The following DGKG variants were observed in gnomAD, a reference collection of about 807,000 sequenced individuals.
The protein encoded by DGKG is diacylglycerol kinase gamma.
DGKG carries 78 observed loss-of-function variants against 105.3 expected under a neutral mutation model. That is an observed-to-expected ratio of 0.74 (90% CI 0.62 to 0.89). DGKG has a LOEUF of 0.89. DGKG is among the 40% of genes least tolerant of loss of function. The pLI is 0.00. For missense variants in DGKG, 958 were observed against 1,020.1 expected (o/e 0.94, Z 0.83); for synonymous variants, 346 against 367.1 (o/e 0.94, Z 0.66).
At chr3:186,294,735 G>A (rs1578789458) in intron 5 of DGKG, among the ~76,000 whole-genome samples, 1 of 141,008 alleles carries the variant, frequency 7.1e-6, no homozygotes, top group Non-Finnish European at 1.5e-5. Context: ...TTACACAGAT[G>A]CCTGAATATG....
chr3:186,160,388 C>T (rs2108475385), intron 24 of DGKG: 1 of 985,302 alleles, frequency 1.0e-6, no homozygotes, highest in African/African-American at 1.7e-5. Context: ...TTCTTCTCAA[C>T]TCAGTTCCAT....
At chr3:186,299,837 C>CTTTCTTTCTTTCTTT (rs1560142091) in intron 3 of DGKG, among the ~76,000 whole-genome samples, 1 of 89,996 alleles carries the variant, frequency 1.1e-5, no homozygotes, top group African/African-American at 4.3e-5. Context: ...TTCTTTCTTT[C>CTTTCTTTCTTTCTTT]TTTTTTTTTT....
chr3:186,302,792 G>A (rs1327573325), intron 3 of DGKG, among the ~76,000 whole-genome samples: 1 of 151,902 alleles, frequency 6.6e-6, no homozygotes, highest in Non-Finnish European at 1.5e-5. Flanking sequence ...CATCAGTGGC[G>A]AGTGCCATAG....
At chr3:186,238,676 A>G (rs1720533580) in intron 20 of DGKG, among the ~76,000 whole-genome samples, 1 of 152,188 alleles carries the variant, frequency 6.6e-6, no homozygotes, top group Non-Finnish European at 1.5e-5. Context: ...TAGCCTATTG[A>G]TAACTAGGAG....
chr3:186,341,521 T>C (rs1379202647), intron 1 of DGKG, among the ~76,000 whole-genome samples: 2 of 152,176 alleles, frequency 1.3e-5, no homozygotes, highest in African/African-American at 4.8e-5. Flanking sequence ...GATGATACCA[T>C]GATACCATGA....
intron 1 of DGKG, among the ~76,000 whole-genome samples, chr3:186,322,037 C>A (rs1725104108): frequency 6.6e-6 from 1 of 152,202 alleles, no homozygotes; most frequent in Non-Finnish European, 1.5e-5. Context: ...TCTCTGCAAT[C>A]TTTCTTTGCC....
chr3:186,281,874 G>A (rs974368112), intron 7 of DGKG, among the ~76,000 whole-genome samples: 4 of 152,168 alleles, frequency 2.6e-5, no homozygotes, highest in African/African-American at 9.6e-5. Flanking sequence ...GTTCCCCTGA[G>A]GTCTTCCTGG....
At chr3:186,339,887 G>T (rs543670923) in intron 1 of DGKG, among the ~76,000 whole-genome samples, 1 of 152,326 alleles carries the variant, frequency 6.6e-6, no homozygotes, top group East Asian at 1.9e-4. Context: ...GTGGTCTTGA[G>T]CATACTATTT....
chr3:186,211,061 C>T (rs574318698), intron 21 of DGKG, among the ~76,000 whole-genome samples: 2 of 152,248 alleles, frequency 1.3e-5, no homozygotes, highest in African/African-American at 4.8e-5. Context: ...GGGAGGGGAG[C>T]CAGCAGGCAG....
intron 19 of DGKG, among the ~76,000 whole-genome samples, chr3:186,247,475 G>A (rs6793168): frequency 0.91 from 138,752 of 152,242 alleles, 63,934 homozygotes; most frequent in East Asian, 1. Context: ...CTCTTTGCCA[G>A]TGGAGTCCGC....
chr3:186,188,461 TGTG>T, intron 21 of DGKG, 82 bp from the exon 22 acceptor site: 1 of 273,194 alleles, frequency 3.7e-6, no homozygotes, highest in Non-Finnish European at 6.2e-6. Context: ...TGCGTGCGTG[TGTG>T]TGTGTGTACT....
Position 186,259,708 on chromosome 3 carries a change from G to A in DGKG, c.1424+731C>T, listed in dbSNP as rs576294456. Among the ~76,000 whole-genome samples, 32 of 152,138 alleles carry A rather than the reference G, an allele frequency of 2.1e-4. 1 individual carries two copies. In the South Asian group the frequency reaches 6.4e-3, roughly 31 times the overall value. On this transcript the variant is annotated intron_variant, in intron 16 of 24. Transcript: ENST00000265022. The stretch of plus-strand genomic sequence containing the variant: ...ACAGCCCCGGGCCCGGGGCCGGCCA[G>A]TAGAGGGCTCTCGAGCACCGGCCCG...
Position 186,149,409 on chromosome 3 carries a change from T to A in DGKG, c.*681A>T. The A allele has an allele frequency of 1.0e-6, 1 of 985,326 alleles. No homozygotes were observed. Among genetic ancestry groups the A allele is most frequent in the Non-Finnish European group, 1.2e-6 (1 of 829,936 alleles). 61.0% of individuals were successfully genotyped at this position (985,326 alleles called of 1,614,324 possible). A position where few individuals can be genotyped will look rare whatever the true frequency, so the allele number is the denominator to read the frequency against. On this transcript the variant is annotated 3_prime_UTR_variant, in exon 25 of 25. Coordinates refer to ENST00000265022, the MANE Select transcript of DGKG (RefSeq NM_001346.3). ...TCTTGGAGCCGCCTCTAAGCAAACA[T>A]GTAGACACCAGGAGAAGGTTCCTGG...
intron 3 of DGKG, among the ~76,000 whole-genome samples, chr3:186,302,548 A>G (rs1366269016): frequency 2.6e-5 from 1 of 38,384 alleles, no homozygotes; most frequent in Non-Finnish European, 6.6e-5. Flanking sequence ...GTATATATAT[A>G]TATATATATA....
At chr3:186,247,061 GGGA>G (rs769641127) in intron 19 of DGKG, among the ~76,000 whole-genome samples, 3 of 152,158 alleles carry the variant, frequency 2.0e-5, no homozygotes, top group Non-Finnish European at 2.9e-5. Context: ...ATAAAGAACA[GGGA>G]GGAGCAGGCC....
Position 186,267,545 on chromosome 3 carries a change from T to C in DGKG, c.1209+140A>G, listed in dbSNP as rs986935278. ...TGTACTCTCTAACCTAAAATAACAG[T>C]AAAAAAAGAAAGAAAAGAAAACACA... On this transcript the variant is annotated intron_variant, in intron 13 of 24. Coordinates refer to ENST00000265022, the MANE Select transcript of DGKG (RefSeq NM_001346.3). The C allele has an allele frequency of 2.9e-5, 20 of 681,184 alleles. No individual in the cohort carries two copies. The African/African-American group carries it at 3.4e-4, about 12-fold the overall frequency. 42.2% of individuals were successfully genotyped at this position (681,184 alleles called of 1,614,324 possible). A position where few individuals can be genotyped will look rare whatever the true frequency, so the allele number is the denominator to read the frequency against.
chr3:186,312,158 A>G (rs1228069622), intron 2 of DGKG, among the ~76,000 whole-genome samples: 26 of 130,378 alleles, frequency 2.0e-4, no homozygotes, highest in Middle Eastern at 3.8e-3. Flanking sequence ...AAAAAAAAAA[A>G]GAACACAGAG....
intron 6 of DGKG, among the ~76,000 whole-genome samples, chr3:186,286,323 A>G (rs1463079844): frequency 6.6e-6 from 1 of 152,194 alleles, no homozygotes; most frequent in Non-Finnish European, 1.5e-5. Context: ...CTTTTCTGCT[A>G]GCATTATTCC....
intron 20 of DGKG, among the ~76,000 whole-genome samples, chr3:186,237,176 T>C (rs1720458807): frequency 6.6e-6 from 1 of 152,164 alleles, no homozygotes; most frequent in African/African-American, 2.4e-5. Context: ...TCCATTCTTT[T>C]GACTTTATTG....
Sources: allele counts gnomAD v4.1 joint callset (sites outside exome capture counted in the v4.1 genomes callset), GRCh38; gene constraint gnomAD v4.1.1; transcripts MANE v1.5; gene names NCBI Gene and HGNC (gene_info 2026-07-23, HGNC 2026-07-21).